The following APBA2 variants were observed in gnomAD, a reference collection of about 807,000 sequenced individuals.
APBA2 encodes amyloid beta precursor protein binding family A member 2, also known as amyloid-beta A4 precursor protein-binding family A member 2.
A neutral mutation model predicts 75.0 loss-of-function variants in APBA2; 30 were observed. The ratio of observed to expected loss-of-function variants is 0.40; its 90% CI spans 0.30 to 0.54. The LOEUF is 0.54. APBA2 is among the 20% of genes least tolerant of loss of function. The pLI is 0.49. For synonymous variants in APBA2, 444 were observed against 409.6 expected (o/e 1.08, Z -1.01); for missense variants, 801 against 1,016.1 (o/e 0.79, Z 2.88).
At chr15:28,952,334 A>G (rs1371991958) in intron 2 of APBA2, among the ~76,000 whole-genome samples, 2 of 152,106 alleles carry the variant, frequency 1.3e-5, no homozygotes, top group East Asian at 3.8e-4. Flanking sequence ...GTTCAAGAAC[A>G]GTCTGGGTAG....
At chr15:29,018,173 A>T (rs2063934723) in intron 3 of APBA2, among the ~76,000 whole-genome samples, 1 of 152,180 alleles carries the variant, frequency 6.6e-6, no homozygotes, top group Admixed American at 6.5e-5. Context: ...GTTGATAAAT[A>T]AAGATATTGA....
intron 2 of APBA2, among the ~76,000 whole-genome samples, chr15:28,943,213 G>C (rs2035335655): frequency 6.6e-6 from 1 of 152,146 alleles, no homozygotes; most frequent in Non-Finnish European, 1.5e-5. Context: ...ACATACTAAA[G>C]GCTTCTTCCT....
At chr15:29,011,337 T>G (rs1595721637) in intron 3 of APBA2, among the ~76,000 whole-genome samples, 2 of 152,342 alleles carry the variant, frequency 1.3e-5, no homozygotes, top group South Asian at 4.1e-4. Flanking sequence ...CGTTGTATTT[T>G]TATTATTAAT....
At chr15:28,905,488 T>C (rs1232100375) in intron 1 of APBA2, among the ~76,000 whole-genome samples, 1 of 152,182 alleles carries the variant, frequency 6.6e-6, no homozygotes, top group East Asian at 1.9e-4. Context: ...GCTGCCTGGG[T>C]AGGTCAAGGT....
intron 2 of APBA2, among the ~76,000 whole-genome samples, chr15:28,947,537 G>T (rs2035614091): frequency 6.6e-6 from 1 of 152,196 alleles, no homozygotes; most frequent in African/African-American, 2.4e-5. Flanking sequence ...AGGTGGCTGT[G>T]CTCAGGCCTG....
intron 1 of APBA2, among the ~76,000 whole-genome samples, chr15:28,915,767 C>T (rs1233556167): frequency 1.3e-5 from 2 of 150,208 alleles, no homozygotes; most frequent in Non-Finnish European, 1.5e-5. Flanking sequence ...TTCCACACTA[C>T]ATTACACTCC....
At chr15:29,102,677 T>TGAACCTG (rs1347975924) in intron 10 of APBA2, 1 of 152,110 alleles carries the variant, frequency 6.6e-6, no homozygotes, top group Non-Finnish European at 1.5e-5. Flanking sequence ...GAGAATTGCT[T>TGAACCTG]GAACCTGGGA....
chr15:29,102,179 TCTG>T, intron 10 of APBA2: 1 of 330,014 alleles, frequency 3.0e-6, no homozygotes, highest in Non-Finnish European at 5.8e-6. Flanking sequence ...GAGGCTTAGT[TCTG>T]CCTTTGCGTG....
At chr15:28,929,966 C>T (rs1455818216) in intron 2 of APBA2, among the ~76,000 whole-genome samples, 2 of 151,654 alleles carry the variant, frequency 1.3e-5, no homozygotes, top group African/African-American at 2.4e-5. Flanking sequence ...GGAAAGGTTG[C>T]TTCTGCCCAT....
intron 1 of APBA2, among the ~76,000 whole-genome samples, chr15:28,921,256 C>T (rs1257086407): frequency 6.6e-6 from 1 of 152,134 alleles, no homozygotes; most frequent in Non-Finnish European, 1.5e-5. Context: ...ATTAATGGCA[C>T]GAGATTTCCC....
intron 11 of APBA2, among the ~76,000 whole-genome samples, chr15:29,106,298 G>A (rs8035770): frequency 0.21 from 32,397 of 151,682 alleles, 4,493 homozygotes; most frequent in Non-Finnish European, 0.31. Context: ...GGGTGGGAAG[G>A]TCAGTGTTGG....
At chr15:29,010,605 T>C (rs960417716) in intron 3 of APBA2, among the ~76,000 whole-genome samples, 5 of 152,192 alleles carry the variant, frequency 3.3e-5, no homozygotes, top group African/African-American at 1.2e-4. Context: ...TAGATGTACA[T>C]ATTACAAATA....
At chr15:29,098,304 G>A (rs932906356) in intron 8 of APBA2, among the ~76,000 whole-genome samples, 186 bp from the exon 9 acceptor site, 13 of 152,178 alleles carry the variant, frequency 8.5e-5, no homozygotes, top group African/African-American at 3.1e-4. Flanking sequence ...CCCCACGCCA[G>A]TGCTTCTTAT....
intron 2 of APBA2, among the ~76,000 whole-genome samples, chr15:28,944,554 C>T (rs2035432992): frequency 6.6e-6 from 1 of 152,236 alleles, no homozygotes. Flanking sequence ...TCAAGCCCAT[C>T]TGTTTCTTAG....
chr15:29,015,266 A>T (rs2039600731), intron 3 of APBA2, among the ~76,000 whole-genome samples: 1 of 152,112 alleles, frequency 6.6e-6, no homozygotes, highest in African/African-American at 2.4e-5. Context: ...TCCAGAGTGG[A>T]TGTTGTCCAG....
At chr15:29,021,404 T>G (rs1166461137) in intron 3 of APBA2, among the ~76,000 whole-genome samples, 1 of 152,084 alleles carries the variant, frequency 6.6e-6, no homozygotes, top group Non-Finnish European at 1.5e-5. Flanking sequence ...GGCGCGCGCC[T>G]GTAGTGCCAG....
chr15:28,946,595 T>C (rs2035564865), intron 2 of APBA2, among the ~76,000 whole-genome samples: 1 of 152,184 alleles, frequency 6.6e-6, no homozygotes, highest in African/African-American at 2.4e-5. Flanking sequence ...TTTCTTTTTT[T>C]TGAGACAGGA....
At chr15:28,972,166 A>G (rs889322252) in intron 2 of APBA2, among the ~76,000 whole-genome samples, 3 of 152,238 alleles carry the variant, frequency 2.0e-5, no homozygotes, top group Admixed American at 6.5e-5. Flanking sequence ...CTGAAAGCAC[A>G]GTAGGGATAG....
At chr15:29,000,232 C>T (rs1198820079) in intron 3 of APBA2, among the ~76,000 whole-genome samples, 1 of 152,242 alleles carries the variant, frequency 6.6e-6, no homozygotes. Flanking sequence ...TCACAACCAG[C>T]GTTTTCTAAA....
Sources: gnomAD v4.1 joint callset for allele counts (sites outside exome capture counted in the v4.1 genomes callset) on GRCh38, gnomAD v4.1.1 for gene constraint, MANE v1.5 for transcripts, NCBI Gene and HGNC (gene_info 2026-07-23, HGNC 2026-07-21) for gene names.